The following NAV1 variants were observed in gnomAD, a reference collection of about 807,000 sequenced individuals.
NAV1 encodes pore membrane and/or filament interacting like protein 3.
A neutral mutation model predicts 175.2 loss-of-function variants in NAV1; 18 were observed. The ratio of observed to expected loss-of-function variants is 0.10; its 90% confidence interval spans 0.07 to 0.15. NAV1 has a LOEUF of 0.15. Among genes scored for constraint, NAV1 ranks in the 10% least tolerant of loss-of-function variants. NAV1 has a pLI of 1.00. For missense variants in NAV1, 1,731 were observed against 2,436.6 expected (o/e 0.71, Z 6.10); for synonymous variants, 897 against 978.7 (o/e 0.92, Z 1.56).
At chr1:201,785,159 T>A (rs1676639198) in intron 7 of NAV1, 151 bp from the exon 12 acceptor site, 1 of 660,436 alleles carries the variant, frequency 1.5e-6, no homozygotes, top group African/African-American at 1.8e-5. Context: ...CTATAGTATC[T>A]CTTGGTTTCT....
intron 28 of NAV1, among the ~76,000 whole-genome samples, chr1:201,814,380 A>AAC (rs1278353120): frequency 6.6e-6 from 1 of 151,620 alleles, no homozygotes; most frequent in Non-Finnish European, 1.5e-5. Context: ...AAAAAAAAAA[A>AAC]CAATTAAAAT....
exon 30 of NAV1, chr1:201,822,121 T>G (rs2102849593): frequency 6.5e-6 from 1 of 152,778 alleles, no homozygotes; most frequent in Non-Finnish European, 1.5e-5. Flanking sequence ...AGACTATTAT[T>G]GCTATTGCTG....
chr1:201,762,325 ATTG>A (rs1674912570), intron 3 of NAV1, among the ~76,000 whole-genome samples: 1 of 152,140 alleles, frequency 6.6e-6, no homozygotes, highest in Non-Finnish European at 1.5e-5. Flanking sequence ...CAGTTACGGA[ATTG>A]TTATTTCTTT....
chr1:201,740,096 T>C lies in NAV1; in HGVS notation c.1226+21341T>C, dbSNP rs772546799. ...CCGCAGGTAAGCGCCCCCACCCCCCTGGCCTCACCGCCAGACCGCAGAGCT... is the reference window on the plus strand; with the variant it reads ...CCGCAGGTAAGCGCCCCCACCCCCCCGGCCTCACCGCCAGACCGCAGAGCT... On this transcript the variant is annotated intron_variant, in intron 3 of 29. Transcript: ENST00000367296. This position sits in a 1 kb window ranked among gnomAD's most constrained non-coding sequence, Gnocchi z 4.7. 10 of 1,437,334 alleles carry C rather than the reference T, an allele frequency of 7.0e-6. No homozygotes were observed. The highest frequency in any genetic ancestry group is 9.1e-6 in the Non-Finnish European group (10 of 1,094,138). 89.0% of individuals were successfully genotyped at this position (1,437,334 alleles called of 1,614,324 possible). A position where few individuals can be genotyped will look rare whatever the true frequency, so the allele number is the denominator to read the frequency against.
chr1:201,756,814 T>TTCTTTCTTTCTTTC (rs1571461800), intron 3 of NAV1, among the ~76,000 whole-genome samples: 115 of 3,522 alleles, frequency 0.033, 6 homozygotes, highest in Admixed American at 0.17. Flanking sequence ...CTTTCCTTCT[T>TTCTTTCTTTCTTTC]TCTTTCTTTC....
At chr1:201,633,399 A>G (rs183286644) in intron 2 of NAV1, among the ~76,000 whole-genome samples, 1 of 152,268 alleles carries the variant, frequency 6.6e-6, no homozygotes, top group East Asian at 1.9e-4. Flanking sequence ...GTTATATAAA[A>G]CCTGTCTGAG....
intron 1 of NAV1, among the ~76,000 whole-genome samples, chr1:201,677,777 G>A (rs1001806734): frequency 1.3e-5 from 2 of 152,192 alleles, no homozygotes; most frequent in Middle Eastern, 3.4e-3. Flanking sequence ...ATAGGCATGC[G>A]CCGCCACGCC....
At chr1:201,798,593 A>G (rs1677606422) in intron 15 of NAV1, 1 of 133,070 alleles carries the variant, frequency 7.5e-6, no homozygotes. Flanking sequence ...CCTGGGTGAG[A>G]GAGAGACCTG....
intron 2 of NAV1, among the ~76,000 whole-genome samples, chr1:201,633,318 A>T (rs1263281180): frequency 6.6e-6 from 1 of 152,214 alleles, no homozygotes; most frequent in Non-Finnish European, 1.5e-5. Context: ...TCCTTCATGA[A>T]TACCTTATAT....
rs1676386056 is a variant in NAV1 at position 201,782,398 on chromosome 1, G to A, written c.1886G>A (p.Ser629Asn). ...CAAACTGGTGGTTCAGCCACTCTCA[G>A]CAAGATCCAGAAGTCCTCAGGCATC... The change falls in exon 6 of 30, where the codon AGC (serine) becomes AAC (asparagine). Residue 629 changes from serine (S) to asparagine (N), a missense_variant. By Grantham distance (46) the Ser-to-Asn change is conservative. Coordinates refer to ENST00000367296, the Ensembl canonical transcript of NAV1. This position sits in a 1 kb window ranked among gnomAD's most constrained non-coding sequence, Gnocchi z 5.4. The A allele has an allele frequency of 1.2e-6, 2 of 1,614,188 alleles. No homozygotes were observed. Among genetic ancestry groups the A allele is most frequent in the Non-Finnish European group, 1.7e-6 (2 of 1,180,022 alleles).
intron 15 of NAV1, chr1:201,797,713 C>A (rs1029292376): frequency 6.6e-6 from 1 of 152,136 alleles, no homozygotes; most frequent in Admixed American, 6.5e-5. Flanking sequence ...GAACCTTGTA[C>A]TTATTTTGTT....
chr1:201,603,781 T>C (rs1039703160), intron 2 of NAV1, among the ~76,000 whole-genome samples: 3 of 152,186 alleles, frequency 2.0e-5, no homozygotes, highest in Non-Finnish European at 4.4e-5. Context: ...CTTAGGTTAA[T>C]CATTTGCCCA....
intron 3 of NAV1, among the ~76,000 whole-genome samples, chr1:201,755,221 C>A (rs1571460196): frequency 1.3e-5 from 2 of 152,290 alleles, no homozygotes; most frequent in South Asian, 4.1e-4. Flanking sequence ...CATTTAAAAA[C>A]TTAAGATATT....
chr1:201,819,400 C>A (rs1057282647), intron 29 of NAV1, among the ~76,000 whole-genome samples: 1 of 151,866 alleles, frequency 6.6e-6, no homozygotes, highest in African/African-American at 2.4e-5. Context: ...ACAAACCACT[C>A]TAAACTCTGA....
At chr1:201,638,281 C>T (rs1668662762) in intron 2 of NAV1, among the ~76,000 whole-genome samples, 1 of 152,240 alleles carries the variant, frequency 6.6e-6, no homozygotes, top group African/African-American at 2.4e-5. Flanking sequence ...GACCCCAGGA[C>T]ATAGGTCATG....
intron 2 of NAV1, among the ~76,000 whole-genome samples, chr1:201,603,775 G>A (rs1017129579): frequency 2.6e-5 from 4 of 152,172 alleles, no homozygotes; most frequent in African/African-American, 9.7e-5. Flanking sequence ...CTGAGACTTA[G>A]GTTAATCATT....
rs1221101070 is a variant in NAV1, at chr1:201,807,891, G to T, written c.3649-62G>T. 1.9e-6 allele frequency: 3 copies of T among 1,540,870 alleles called. No homozygotes were observed. Among genetic ancestry groups the T allele is most frequent in the Non-Finnish European group, 2.7e-6 (3 of 1,118,436 alleles). ...TCTCTGTCTCAGAAGTCTCAATCCAGTCCTCCCCCATCCCAGTAGTGGAGT... is the reference window on the plus strand; with the variant it reads ...TCTCTGTCTCAGAAGTCTCAATCCATTCCTCCCCCATCCCAGTAGTGGAGT... On this transcript the variant is annotated intron_variant, in intron 17 of 29. Transcript: ENST00000367296. The surrounding 1 kb of genome is among the most constrained non-coding windows in gnomAD (Gnocchi z 5.4).
chr1:201,674,974 A>G (rs1488739002), intron 1 of NAV1, among the ~76,000 whole-genome samples: 1 of 148,960 alleles, frequency 6.7e-6, no homozygotes, highest in African/African-American at 2.5e-5. Flanking sequence ...TGGGAGGTTG[A>G]GGGTGCAGTG....
At chr1:201,759,023 T>C (rs1674678418) in intron 3 of NAV1, among the ~76,000 whole-genome samples, 1 of 152,252 alleles carries the variant, frequency 6.6e-6, no homozygotes, top group Admixed American at 6.5e-5. Flanking sequence ...AATGAGGTTA[T>C]ACATGTATGT....
Sources: gnomAD v4.1 joint callset for allele counts (sites outside exome capture counted in the v4.1 genomes callset) on GRCh38, gnomAD v4.1.1 for gene constraint, Gnocchi (gnomAD v3.1) non-coding constraint, MANE v1.5 for transcripts, NCBI Gene and HGNC (gene_info 2026-07-23, HGNC 2026-07-21) for gene names.